SLIT2: variants seen among roughly 807,000 people sequenced by gnomAD.
SLIT2 encodes the protein slit guidance ligand 2, also known as slit homolog 2 protein.
In SLIT2, 41 loss-of-function variants were observed where a neutral mutation model predicts 185.7. The ratio of observed to expected loss-of-function variants is 0.22; its 90% CI spans 0.17 to 0.29. SLIT2 has a LOEUF of 0.29. Ranked by LOEUF, SLIT2 falls within the 10% of genes least tolerant of loss-of-function variation. The pLI is 1.00. For synonymous variants in SLIT2, 693 were observed against 680.2 expected (o/e 1.02, Z -0.29); for missense variants, 1,571 against 1,909.0 (o/e 0.82, Z 3.30).
At chr4:20,436,930 T>C (rs1321245256) in intron 4 of SLIT2, among the ~76,000 whole-genome samples, 1 of 152,180 alleles carries the variant, frequency 6.6e-6, no homozygotes, top group Non-Finnish European at 1.5e-5. Context: ...GTCCAAAAAT[T>C]AGAGGGAATG....
chr4:20,510,797 G>C (rs889466464), intron 10 of SLIT2, among the ~76,000 whole-genome samples: 2 of 151,972 alleles, frequency 1.3e-5, no homozygotes, highest in African/African-American at 4.8e-5. Context: ...GAATGTTTAT[G>C]GTCAATATAT....
intron 33 of SLIT2, among the ~76,000 whole-genome samples, chr4:20,600,325 AGTTT>A (rs78328514): frequency 0.033 from 4,988 of 150,884 alleles, 102 homozygotes; most frequent in Non-Finnish European, 0.045. Context: ...TACCATAACG[AGTTT>A]GTTTGAGTTT....
intron 9 of SLIT2, among the ~76,000 whole-genome samples, chr4:20,504,936 A>G (rs1719066790): frequency 1.5e-5 from 2 of 137,150 alleles, no homozygotes; most frequent in African/African-American, 5.1e-5. Context: ...ACTTGATCAC[A>G]GGCATATAGG....
At chr4:20,361,946 A>G (rs982986064) in intron 4 of SLIT2, among the ~76,000 whole-genome samples, 8 of 152,148 alleles carry the variant, frequency 5.3e-5, no homozygotes, top group Non-Finnish European at 1.0e-4. Flanking sequence ...TAAATTCAAA[A>G]AAGTTTAAAA....
chr4:20,450,878 G>T (rs1712397250), intron 4 of SLIT2, among the ~76,000 whole-genome samples: 1 of 152,122 alleles, frequency 6.6e-6, no homozygotes, highest in African/African-American at 2.4e-5. Flanking sequence ...CCCAGCATCT[G>T]TATCCATGTT....
Position 20,331,034 on chromosome 4 carries a change from T to C in SLIT2, c.395+62153T>C, listed in dbSNP as rs114378170. On this transcript the variant is annotated intron_variant, in intron 4 of 36. Transcript: ENST00000504154. ...CCGTAGACAACTAAATTTCCGTATC[T>C]AACAAAACTCAGCTTTTTATTGAGG... Among the ~76,000 whole-genome samples the C allele has an allele frequency of 3.6e-3, 551 of 152,226 alleles. 4 individuals are homozygous for C. The highest frequency in any genetic ancestry group is 0.013 in the African/African-American group (544 of 41,574).
chr4:20,554,221 T>C (rs1479839550), intron 26 of SLIT2: 3 of 569,998 alleles, frequency 5.3e-6, no homozygotes, highest in African/African-American at 3.7e-5. Context: ...AAACGTAGAG[T>C]TCACAATTTC....
chr4:20,543,556 G>A (rs1723000768), intron 21 of SLIT2, among the ~76,000 whole-genome samples: 1 of 152,210 alleles, frequency 6.6e-6, no homozygotes. Flanking sequence ...ATGCAGATGT[G>A]TATCAGTTAT....
intron 4 of SLIT2, among the ~76,000 whole-genome samples, chr4:20,352,764 T>C (rs1234558348): frequency 1.3e-5 from 2 of 152,120 alleles, no homozygotes; most frequent in Middle Eastern, 3.4e-3. Context: ...AATACAAAAA[T>C]TAGCTGGGCA....
intron 18 of SLIT2, among the ~76,000 whole-genome samples, chr4:20,537,236 C>A (rs1245798793): frequency 6.6e-6 from 1 of 152,106 alleles, no homozygotes; most frequent in African/African-American, 2.4e-5. Flanking sequence ...ACTGGCAGCA[C>A]GGTAGGTTTA....
Position 20,598,305 on chromosome 4 carries a change from G to T in SLIT2, c.3602G>T (p.Gly1201Val). ...DEDSGILLYK[G>V]DKDHIAVELY... ...GACAGCGGAATCCTCCTGTATAAGG[G>T]TGACAAAGACCATATCGCGGTAGAA... Residue 1201 changes from glycine to valine, a missense_variant, in exon 33 of 37, where the codon GGT (glycine) becomes GTT (valine). Transcript: ENST00000504154. 1 of 1,614,066 alleles carries T rather than the reference G, an allele frequency of 6.2e-7. No homozygotes were observed. Among genetic ancestry groups the T allele is most frequent in the Non-Finnish European group, 8.5e-7 (1 of 1,179,968 alleles).
At chr4:20,550,794 A>G (rs776432919) in intron 24 of SLIT2, 33 bp from the exon 25 acceptor site, 1 of 1,357,302 alleles carries the variant, frequency 7.4e-7, no homozygotes, top group Non-Finnish European at 1.0e-6. Context: ...TCAGAAATAT[A>G]GGAAGTTTAA....
chr4:20,263,321 C>G (rs1438154531), intron 3 of SLIT2, among the ~76,000 whole-genome samples: 1 of 151,656 alleles, frequency 6.6e-6, no homozygotes, highest in Non-Finnish European at 1.5e-5. Context: ...GTGATTTGAT[C>G]TCATCAATAT....
chr4:20,296,319 G>GA (rs140549357), intron 4 of SLIT2, among the ~76,000 whole-genome samples: 2 of 151,926 alleles, frequency 1.3e-5, no homozygotes, highest in African/African-American at 4.8e-5. Context: ...ATCTGAACTA[G>GA]AAAAAAAAGT....
chr4:20,280,353 A>G (rs1455074986), intron 4 of SLIT2, among the ~76,000 whole-genome samples: 2 of 147,804 alleles, frequency 1.4e-5, no homozygotes, highest in Admixed American at 1.4e-4. Context: ...AAAAAAAAAG[A>G]ACAACAACAA....
intron 6 of SLIT2, among the ~76,000 whole-genome samples, chr4:20,482,061 C>T (rs373846741): frequency 3.9e-5 from 6 of 151,974 alleles, no homozygotes; most frequent in South Asian, 4.2e-4. Flanking sequence ...TTTTAATATA[C>T]GAAACTCACT....
chr4:20,296,689 CT>C (rs1451221061), intron 4 of SLIT2, among the ~76,000 whole-genome samples: 4 of 152,160 alleles, frequency 2.6e-5, no homozygotes, highest in African/African-American at 4.8e-5. Context: ...GTGGCACTTT[CT>C]TTTACACTGC....
At chr4:20,520,950 T>A (rs1347507428) in intron 12 of SLIT2, among the ~76,000 whole-genome samples, 2 of 152,232 alleles carry the variant, frequency 1.3e-5, no homozygotes, top group Non-Finnish European at 1.5e-5. Context: ...GCTACTAATT[T>A]GATAAAATTA....
rs770509123 is a variant in SLIT2, at chr4:20,595,784, C to A, written c.3270C>A (p.His1090Gln). The A allele has an allele frequency of 1.2e-6, 2 of 1,614,130 alleles. No homozygotes were observed. Among genetic ancestry groups the A allele is most frequent in the Non-Finnish European group, 1.7e-6 (2 of 1,179,992 alleles). The change falls in exon 31 of 37, where the codon CAC (histidine) becomes CAA (glutamine). Residue 1090 changes from histidine to glutamine, a missense_variant. This residue lies in a region of SLIT2 where 1,202 missense variants were observed against 1,416.4 expected (regional missense o/e 0.85). Transcript: ENST00000504154. ...ACAACAAGTGTAAAAACGGAGCCCA[C>A]TGCACAGATGCAGTGAACGGCTATA... ...CQDNKCKNGA[H>Q]CTDAVNGYTC...
Sources: gnomAD v4.1 joint callset for allele counts (sites outside exome capture counted in the v4.1 genomes callset) on GRCh38, gnomAD v4.1.1 for gene constraint, gnomAD v4.1.1 regional missense constraint, MANE v1.5 for transcripts, NCBI Gene and HGNC (gene_info 2026-07-23, HGNC 2026-07-21) for gene names.